Variants in ANPEP observed in about 807,000 individuals in gnomAD.
ANPEP encodes the protein alanyl aminopeptidase, membrane.
Under a neutral mutation model 114.6 loss-of-function variants are expected in ANPEP, and 70 were observed. The observed-to-expected ratio is 0.61, with a 90% CI of 0.50 to 0.75. The LOEUF (loss-of-function observed/expected upper bound fraction) is 0.75, where lower values mean the gene tolerates loss of function less well. ANPEP is among the 30% of genes least tolerant of loss of function. ANPEP has a pLI of 0.00. For synonymous variants in ANPEP, 548 were observed against 522.3 expected (o/e 1.05, Z -0.67); for missense variants, 1,184 against 1,259.5 (o/e 0.94, Z 0.91).
intron 14 of ANPEP, 35 bp from the exon 15 acceptor site, chr15:89,797,757 TCCAC>T: frequency 6.2e-7 from 1 of 1,612,194 alleles, no homozygotes; most frequent in Non-Finnish European, 8.5e-7. Context: ...GTAAAGCACC[TCCAC>T]CCAGCCCAGC....
intron 15 of ANPEP, chr15:89,797,352 T>C: frequency 1.8e-6 from 1 of 554,226 alleles, no homozygotes; most frequent in Non-Finnish European, 3.0e-6. Flanking sequence ...ACCTCCTCAG[T>C]GCCTGCTCAC....
Position 89,799,201 on chromosome 15 carries a change from G to T in ANPEP, c.2009+59C>A. 2 of 1,597,954 alleles carry T rather than the reference G, an allele frequency of 1.3e-6. No homozygotes were observed. The highest frequency in any genetic ancestry group is 1.1e-5 in the South Asian group (1 of 90,560). On this transcript the variant is annotated intron_variant, in intron 14 of 20. Coordinates refer to ENST00000300060, the MANE Select transcript of ANPEP (RefSeq NM_001150.3). This position sits in a 1 kb window ranked among gnomAD's most constrained non-coding sequence, Gnocchi z 4.2. Reference sequence around the variant, plus strand: ...AGGAGGAGCAGGGGCCCTCATTGTGGACTCAGACTTGCTGAAGTCACGAGC... The same window carrying T: ...AGGAGGAGCAGGGGCCCTCATTGTGTACTCAGACTTGCTGAAGTCACGAGC...
rs1313824498 is a variant in ANPEP, at chr15:89,799,280, A to G, written c.1989T>C (p.Asn663=). 1.9e-6 allele frequency: 3 copies of G among 1,614,222 alleles called. No homozygotes were observed. Among genetic ancestry groups the G allele is most frequent in the Admixed American group, 1.7e-5 (1 of 60,024 alleles). ...CTCACCTGGCCAGGTTGAAGGCGTC[A>G]TTAATGATCTGTGCCCGATTGATGA... is the stretch of plus-strand genomic sequence containing the variant. ...IPVINRAQII[N]DAFNLASAHK... is the part of the protein sequence containing the mutation. Residue 663 remains asparagine, a synonymous_variant, in exon 14 of 21, where the codon AAT becomes AAC. Coordinates refer to ENST00000300060, the MANE Select transcript of ANPEP (RefSeq NM_001150.3). This position sits in a 1 kb window ranked among gnomAD's most constrained non-coding sequence, Gnocchi z 4.2.
chr15:89,790,388 G>A (rs900450297), intron 20 of ANPEP, 72 bp downstream of exon 20: 4 of 1,439,698 alleles, frequency 2.8e-6, no homozygotes, highest in African/African-American at 1.4e-5. Flanking sequence ...GGCCACGTGG[G>A]AGAAGAATGG....
chr15:89,803,585 T>A lies in ANPEP; in HGVS notation c.1437+62A>T. On this transcript the variant is annotated intron_variant, in intron 8 of 20. Transcript: ENST00000300060. This position sits in a 1 kb window ranked among gnomAD's most constrained non-coding sequence, Gnocchi z 4.2. Reference sequence around the variant, plus strand: ...CTGTGCCCCCAGACCCTGCCTTCAGTGAGGCCCCTCCAGGCCAAGTCCCCA... The same window carrying A: ...CTGTGCCCCCAGACCCTGCCTTCAGAGAGGCCCCTCCAGGCCAAGTCCCCA... 6.2e-7 allele frequency: 1 copy of A among 1,601,536 alleles called. No homozygotes were observed. Among genetic ancestry groups the A allele is most frequent in the Non-Finnish European group, 8.5e-7 (1 of 1,174,272 alleles).
At chr15:89,800,143 C>T (rs1376393105) in intron 12 of ANPEP, among the ~76,000 whole-genome samples, 3 of 152,184 alleles carry the variant, frequency 2.0e-5, no homozygotes, top group African/African-American at 7.2e-5. Flanking sequence ...CTCTTGGGCA[C>T]ACCTCTGCCC....
intron 1 of ANPEP, among the ~76,000 whole-genome samples, chr15:89,810,760 A>G (rs1894802944): frequency 6.6e-6 from 1 of 152,198 alleles, no homozygotes; most frequent in Non-Finnish European, 1.5e-5. Flanking sequence ...CGTGACCTAC[A>G]GGGCCTGTGT....
chr15:89,811,739 T>C (rs1395466547), intron 1 of ANPEP, among the ~76,000 whole-genome samples: 2 of 152,102 alleles, frequency 1.3e-5, no homozygotes, highest in African/African-American at 4.8e-5. Context: ...CTTTGGGAAC[T>C]GCTGCTCCAC....
chr15:89,792,687 C>T (rs1388974227), intron 16 of ANPEP, 125 bp from the exon 17 acceptor site: 8 of 805,290 alleles, frequency 9.9e-6, no homozygotes, highest in African/African-American at 5.1e-5. Context: ...CTCTGACCCC[C>T]GCTGTATGTG....
At position 89,810,477 on chromosome 15, in the gene ANPEP, G is replaced by A. The variant is rs186896243; in HGVS notation, c.-223-3671C>T. ...TCCCAGCTACTTGGGGGGCTGAGGC[G>A]GAAGAATCGCTCGAACCCAAGAGGT... On this transcript the variant is annotated intron_variant, in intron 1 of 20. Coordinates refer to ENST00000300060, the MANE Select transcript of ANPEP (RefSeq NM_001150.3). 8.7e-4 allele frequency among the ~76,000 whole-genome samples: 132 copies of A among 152,198 alleles called. 1 individual carries two copies. The highest frequency in any genetic ancestry group is 1.9e-3 in the South Asian group (9 of 4,818).
In ANPEP at chr15:89,806,293, G is replaced by C. The variant is rs375180451; in HGVS notation, c.291C>G (p.Asp97Glu). ...AGCCCTTAAAAACGTACAGGCCCCT[G>C]TCATTGGGGGTGAGGTACGGTCTCA... ...VTLRPYLTPN[D>E]RGLYVFKGSS... The change falls in exon 2 of 21, where the codon GAC becomes GAG. Residue 97 changes from aspartate (D) to glutamate (E), a missense_variant. By Grantham distance (45) the Asp-to-Glu change is conservative (BLOSUM62 2). Transcript: ENST00000300060. This position sits in a 1 kb window ranked among gnomAD's most constrained non-coding sequence, Gnocchi z 5.7. 5 of 1,614,070 alleles carry C rather than the reference G, an allele frequency of 3.1e-6. No individual in the cohort carries two copies. Among genetic ancestry groups the C allele is most frequent in the Non-Finnish European group, 4.2e-6 (5 of 1,180,040 alleles).
chr15:89,797,197 C>T (rs1467943178), intron 15 of ANPEP, among the ~76,000 whole-genome samples: 1 of 152,232 alleles, frequency 6.6e-6, no homozygotes, highest in African/African-American at 2.4e-5. Context: ...GGCCACACAG[C>T]TGGCAAAAGA....
intron 1 of ANPEP, among the ~76,000 whole-genome samples, chr15:89,813,586 C>T (rs1229468282): frequency 6.6e-6 from 1 of 152,156 alleles, no homozygotes; most frequent in Non-Finnish European, 1.5e-5. Context: ...CCAGCACACC[C>T]TCCCACAGGG....
Position 89,801,488 on chromosome 15 carries a change from C to T in ANPEP, c.1689G>A (p.Gln563=). The stretch of plus-strand genomic sequence containing the variant: ...AATCGGGGTCAAGGAGGAAGTGCTC[C>T]TGGGAAAGGGTCCCCGTGCTGGTAT... ...TVDTSTGTLS[Q]EHFLLDPDSN... is the part of the protein sequence containing the mutation. Residue 563 remains glutamine (Q), a synonymous_variant, in exon 11 of 21, where the codon CAG becomes CAA. Transcript: ENST00000300060. 1 of 1,614,182 alleles carries T rather than the reference C, an allele frequency of 6.2e-7. No individual in the cohort carries two copies. Among genetic ancestry groups the T allele is most frequent in the East Asian group, 2.2e-5 (1 of 44,884 alleles).
At chr15:89,814,179 T>C (rs1454217005) in intron 1 of ANPEP, among the ~76,000 whole-genome samples, 1 of 152,192 alleles carries the variant, frequency 6.6e-6, no homozygotes, top group Non-Finnish European at 1.5e-5. Flanking sequence ...CCCGGCATCT[T>C]GGCCGGGTTG....
chr15:89,789,800 G>T (rs1487369360), intron 20 of ANPEP, among the ~76,000 whole-genome samples: 1 of 144,470 alleles, frequency 6.9e-6, no homozygotes, highest in Non-Finnish European at 1.5e-5. Context: ...GCTGGACGCC[G>T]TGGCTCACGC....
In ANPEP at chr15:89,803,273, G is replaced by A. The variant is rs1286107537; in HGVS notation, c.1535C>T (p.Thr512Ile). 6.2e-7 allele frequency: 1 copy of A among 1,614,154 alleles called. No homozygotes were observed. The highest frequency in any genetic ancestry group is 8.5e-7 in the Non-Finnish European group (1 of 1,179,986). Reference protein sequence around the residue: ...SYLHTFAYQNTIYLNLWDHLQ... With the variant: ...SYLHTFAYQNIIYLNLWDHLQ... ...GTGGTCCCACAGGTTCAGGTAGATG[G>A]TGTTCTGGTAGGCAAAGGTGTGGAG... The change falls in exon 10 of 21, where the codon ACC becomes ATC. Residue 512 changes from threonine (T) to isoleucine (I), a missense_variant. Thr to Ile is a moderately conservative substitution (Grantham distance 89). Coordinates refer to ENST00000300060, the MANE Select transcript of ANPEP (RefSeq NM_001150.3). This position sits in a 1 kb window ranked among gnomAD's most constrained non-coding sequence, Gnocchi z 4.2.
In ANPEP at chr15:89,801,553, G is replaced by C; in HGVS notation, c.1624C>G (p.Arg542Gly). 2 of 1,614,152 alleles carry C rather than the reference G, an allele frequency of 1.2e-6. No individual in the cohort carries two copies. Among genetic ancestry groups the C allele is most frequent in the Non-Finnish European group, 8.5e-7 (1 of 1,179,992 alleles). The change falls in exon 11 of 21, where the codon CGC (arginine) becomes GGC (glycine). Residue 542 changes from arginine (R) to glycine (G), a missense_variant. Coordinates refer to ENST00000300060, the MANE Select transcript of ANPEP (RefSeq NM_001150.3). ...LPTTVRDIMNRWTLQMGFPVI... is the reference protein window; with the variant it reads ...LPTTVRDIMNGWTLQMGFPVI... ...GGGAAGCCCATCTGCAGGGTCCAGC[G>C]GTTCATGATGTCCCGCACGGTGGTG...
At chr15:89,811,010 G>A (rs1384157636) in intron 1 of ANPEP, among the ~76,000 whole-genome samples, 1 of 152,226 alleles carries the variant, frequency 6.6e-6, no homozygotes, top group Non-Finnish European at 1.5e-5. Context: ...AGCCCTCCAA[G>A]TGCCTCCATG....
Sources: allele counts gnomAD v4.1 joint callset (sites outside exome capture counted in the v4.1 genomes callset), GRCh38; gene constraint gnomAD v4.1.1; non-coding constraint Gnocchi (gnomAD v3.1); transcripts MANE v1.5; gene names NCBI Gene and HGNC (gene_info 2026-07-23, HGNC 2026-07-21).